The following GRID2 variants were observed in gnomAD, a reference collection of about 807,000 sequenced individuals.
GRID2 encodes the protein glutamate receptor ionotropic, delta-2.
In GRID2, 33 loss-of-function variants were observed where a neutral mutation model predicts 114.8. That is an observed-to-expected ratio of 0.29 (90% CI 0.22 to 0.38). The LOEUF (loss-of-function observed/expected upper bound fraction) is 0.38, where lower values mean the gene tolerates loss of function less well. Among genes scored for constraint, GRID2 ranks in the 10% least tolerant of loss-of-function variants. GRID2 has a pLI of 1.00. For synonymous variants in GRID2, 505 were observed against 449.9 expected, an observed-to-expected ratio of 1.12 and a Z score of -1.55; for missense variants, 1,184 against 1,257.7, an observed-to-expected ratio of 0.94 and a Z score of 0.89.
intron 1 of GRID2, among the ~76,000 whole-genome samples, chr4:92,368,461 G>A (rs9995902): frequency 0.024 from 3,579 of 152,118 alleles, 138 homozygotes; most frequent in African/African-American, 0.083. Context: ...ATGGCTCAAC[G>A]ACACAATAAC....
intron 2 of GRID2, among the ~76,000 whole-genome samples, chr4:92,808,831 T>C (rs1740538249): frequency 6.6e-6 from 1 of 151,868 alleles, no homozygotes; most frequent in Non-Finnish European, 1.5e-5. Context: ...TGGCTAACAC[T>C]GAGAAACTTA....
chr4:92,510,748 C>T (rs753860422), intron 1 of GRID2, among the ~76,000 whole-genome samples: 30 of 151,132 alleles, frequency 2.0e-4, no homozygotes, highest in Non-Finnish European at 3.1e-4. Context: ...ATGATAAATT[C>T]ATGAGGTAAT....
chr4:93,165,136 A>G (rs1286747699), intron 4 of GRID2, among the ~76,000 whole-genome samples: 3 of 152,076 alleles, frequency 2.0e-5, no homozygotes, highest in Admixed American at 6.6e-5. Flanking sequence ...GCCTAATACT[A>G]GCAATTGCAA....
intron 2 of GRID2, among the ~76,000 whole-genome samples, chr4:92,658,352 G>A (rs1732347654): frequency 6.6e-6 from 1 of 151,660 alleles, no homozygotes; most frequent in Non-Finnish European, 1.5e-5. Flanking sequence ...TGAATCCACA[G>A]TATATATAAC....
At chr4:93,667,528 CAA>C (rs1724057337) in intron 14 of GRID2, among the ~76,000 whole-genome samples, 1 of 151,720 alleles carries the variant, frequency 6.6e-6, no homozygotes, top group Non-Finnish European at 1.5e-5. Flanking sequence ...CTTAAATTAT[CAA>C]AAGAGAGGTC....
intron 8 of GRID2, among the ~76,000 whole-genome samples, chr4:93,370,445 AC>A (rs1451081814): frequency 8.0e-5 from 12 of 150,906 alleles, no homozygotes; most frequent in African/African-American, 2.7e-4. Flanking sequence ...ACAGGCACAC[AC>A]ACACACGCAC....
At chr4:92,334,801 GCTCT>G (rs909043800) in intron 1 of GRID2, among the ~76,000 whole-genome samples, 8 of 152,160 alleles carry the variant, frequency 5.3e-5, no homozygotes, top group East Asian at 1.9e-4. Flanking sequence ...ACCTACACTT[GCTCT>G]CTCTATCTTG....
chr4:92,725,678 G>T (rs988558349), intron 2 of GRID2, among the ~76,000 whole-genome samples: 3 of 152,116 alleles, frequency 2.0e-5, no homozygotes, highest in Non-Finnish European at 4.4e-5. Flanking sequence ...GGAAATAAAT[G>T]CTTTGTAGAG....
intron 2 of GRID2, among the ~76,000 whole-genome samples, chr4:92,719,399 T>C (rs978338558): frequency 6.6e-6 from 1 of 152,186 alleles, no homozygotes; most frequent in Non-Finnish European, 1.5e-5. Context: ...AATGGTTCCT[T>C]GTACGGTGAT....
At chr4:93,429,148 T>C (rs2149377351) in intron 10 of GRID2, among the ~76,000 whole-genome samples, 1 of 152,294 alleles carries the variant, frequency 6.6e-6, no homozygotes, top group Middle Eastern at 3.4e-3. Context: ...AGCAGACGGC[T>C]CTTCTCTTTC....
chr4:93,286,486 C>G (rs1332947812), intron 8 of GRID2, among the ~76,000 whole-genome samples: 2 of 152,090 alleles, frequency 1.3e-5, no homozygotes, highest in Non-Finnish European at 1.5e-5. Context: ...TATCACCCTT[C>G]CTCACCTCTT....
At chr4:92,653,972 C>T (rs1161342537) in intron 2 of GRID2, among the ~76,000 whole-genome samples, 2 of 152,070 alleles carry the variant, frequency 1.3e-5, no homozygotes, top group African/African-American at 4.8e-5. Flanking sequence ...TAGTAAAATA[C>T]ACTTCATATG....
chr4:93,211,955 C>A (rs767406619), intron 5 of GRID2, among the ~76,000 whole-genome samples: 2 of 100,218 alleles, frequency 2.0e-5, no homozygotes, highest in African/African-American at 5.4e-5. Context: ...CTGAAATATG[C>A]CTCAGAAAAT....
chr4:93,744,237 A>G (rs1231264105), intron 14 of GRID2, among the ~76,000 whole-genome samples: 1 of 152,236 alleles, frequency 6.6e-6, no homozygotes, highest in East Asian at 1.9e-4. Flanking sequence ...TCTGTGGCCC[A>G]TGAATCAAGG....
chr4:93,411,280 AC>A (rs1006854264), intron 9 of GRID2, among the ~76,000 whole-genome samples: 1 of 152,184 alleles, frequency 6.6e-6, no homozygotes, highest in Non-Finnish European at 1.5e-5. Context: ...TTTTTAAAGT[AC>A]CCAGCACATA....
At chr4:93,501,544 G>A (rs1728106718) in intron 12 of GRID2, among the ~76,000 whole-genome samples, 1 of 152,058 alleles carries the variant, frequency 6.6e-6, no homozygotes, top group Admixed American at 6.6e-5. Context: ...AAGTACTACA[G>A]TGATGGATGT....
At chr4:92,699,252 G>A (rs979223704) in intron 2 of GRID2, among the ~76,000 whole-genome samples, 17 of 152,114 alleles carry the variant, frequency 1.1e-4, no homozygotes, top group Non-Finnish European at 2.4e-4. Context: ...TGGCCAGTTG[G>A]ATTCATTTCT....
At chr4:93,107,811 A>G (rs551852189) in intron 3 of GRID2, among the ~76,000 whole-genome samples, 2 of 152,254 alleles carry the variant, frequency 1.3e-5, no homozygotes, top group East Asian at 1.9e-4. Flanking sequence ...AAAACATGCA[A>G]TCAAACACGT....
At chr4:93,353,383 G>A (rs944014195) in intron 8 of GRID2, among the ~76,000 whole-genome samples, 2 of 151,974 alleles carry the variant, frequency 1.3e-5, no homozygotes, top group Admixed American at 1.3e-4. Flanking sequence ...ATCAGAAACA[G>A]CTAGATGTGA....
Sources: allele counts gnomAD v4.1 joint callset (sites outside exome capture counted in the v4.1 genomes callset), GRCh38; gene constraint gnomAD v4.1.1; transcripts MANE v1.5; gene names NCBI Gene and HGNC (gene_info 2026-07-23, HGNC 2026-07-21).